Variants in SBF2 observed in about 807,000 individuals in gnomAD.
The protein encoded by SBF2 is SET binding factor 2.
In SBF2, 112 loss-of-function variants were observed where a neutral mutation model predicts 225.2. The observed-to-expected ratio is 0.50, with a 90% confidence interval of 0.43 to 0.58. SBF2 has a LOEUF of 0.58. Ranked by LOEUF, SBF2 falls within the 20% of genes least tolerant of loss-of-function variation. The pLI is 0.00. For missense variants in SBF2, 1,996 were observed against 2,206.2 expected (o/e 0.90, Z 1.91); for synonymous variants, 763 against 773.3 (o/e 0.99, Z 0.22).
intron 32 of SBF2, among the ~76,000 whole-genome samples, chr11:9,799,515 T>G (rs1248977128): frequency 6.6e-6 from 1 of 152,224 alleles, no homozygotes; most frequent in Non-Finnish European, 1.5e-5. Context: ...GAGCAATTTG[T>G]TTTTTACTCT....
chr11:10,198,850 C>A (rs1394104904), intron 1 of SBF2, among the ~76,000 whole-genome samples: 1 of 152,220 alleles, frequency 6.6e-6, no homozygotes, highest in Admixed American at 6.5e-5. Flanking sequence ...ACTTCTTTTG[C>A]AACTTTCTCA....
chr11:9,890,989 A>C (rs1192184431), intron 17 of SBF2, among the ~76,000 whole-genome samples: 1 of 152,176 alleles, frequency 6.6e-6, no homozygotes, highest in African/African-American at 2.4e-5. Flanking sequence ...TGCAAAAATT[A>C]GCCGGGCGTG....
At chr11:10,091,203 T>C (rs1466456819) in intron 2 of SBF2, among the ~76,000 whole-genome samples, 1 of 152,128 alleles carries the variant, frequency 6.6e-6, no homozygotes, top group Non-Finnish European at 1.5e-5. Flanking sequence ...AAGCAACATA[T>C]ACAAGGTTCA....
intron 16 of SBF2, among the ~76,000 whole-genome samples, chr11:9,940,933 A>G (rs920476669): frequency 6.6e-6 from 1 of 152,186 alleles, no homozygotes; most frequent in East Asian, 1.9e-4. Flanking sequence ...AAAAGCCACT[A>G]ATCAGTAGAC....
intron 1 of SBF2, among the ~76,000 whole-genome samples, chr11:10,225,420 A>G (rs7947210): frequency 0.11 from 17,074 of 151,752 alleles, 1,105 homozygotes; most frequent in Non-Finnish European, 0.11. Context: ...AAAAAAAAAA[A>G]CCCGTCGTCT....
At chr11:9,961,674 G>T in intron 16 of SBF2, 2 of 319,166 alleles carry the variant, frequency 6.3e-6, no homozygotes, top group Non-Finnish European at 1.2e-5. Context: ...ATATATAACT[G>T]AATGCTTTAA....
At chr11:10,057,291 C>A (rs747512400) in intron 2 of SBF2, among the ~76,000 whole-genome samples, 1 of 152,168 alleles carries the variant, frequency 6.6e-6, no homozygotes, top group African/African-American at 2.4e-5. Flanking sequence ...AAGCCAGTAC[C>A]AACTCAGCAA....
At position 10,147,597 on chromosome 11, in the gene SBF2, G is replaced by A. The variant is rs138847358; in HGVS notation, c.141+46305C>T. 9.9e-5 allele frequency among the ~76,000 whole-genome samples: 15 copies of A among 152,110 alleles called. 1 individual carries two copies. Among genetic ancestry groups the A allele is most frequent in the African/African-American group, 3.1e-4 (13 of 41,498 alleles). On this transcript the variant is annotated intron_variant, in intron 2 of 39. Transcript: ENST00000256190. The stretch of plus-strand genomic sequence containing the variant: ...GAGGAGGGAAGAAGGGAGAGAATCA[G>A]GAAAAATAACTGCTAGGTACTAGGT...
At chr11:10,218,104 T>C (rs1958196462) in intron 1 of SBF2, among the ~76,000 whole-genome samples, 1 of 152,132 alleles carries the variant, frequency 6.6e-6, no homozygotes, top group Non-Finnish European at 1.5e-5. Flanking sequence ...TTCACCATAT[T>C]GGCCAGGCTA....
At chr11:9,955,808 C>T (rs1335914927) in intron 16 of SBF2, among the ~76,000 whole-genome samples, 1 of 152,030 alleles carries the variant, frequency 6.6e-6, no homozygotes, top group Non-Finnish European at 1.5e-5. Flanking sequence ...ATGTTTACTG[C>T]CCCTCCTCTG....
chr11:10,213,783 A>G (rs955637501), intron 1 of SBF2, among the ~76,000 whole-genome samples: 2 of 152,340 alleles, frequency 1.3e-5, no homozygotes, highest in Non-Finnish European at 2.9e-5. Context: ...TACAAACCAC[A>G]GGTTAAGAAT....
chr11:9,882,651 A>G (rs1410520435), intron 17 of SBF2, among the ~76,000 whole-genome samples: 1 of 152,038 alleles, frequency 6.6e-6, no homozygotes, highest in Non-Finnish European at 1.5e-5. Flanking sequence ...TACTAAAAAT[A>G]CTAAAATTAG....
intron 1 of SBF2, among the ~76,000 whole-genome samples, chr11:10,266,855 G>A (rs555051816): frequency 1.3e-5 from 2 of 152,328 alleles, no homozygotes; most frequent in Non-Finnish European, 2.9e-5. Flanking sequence ...TTGGGAAGCC[G>A]AGGCTGGCAG....
At chr11:9,931,020 T>C (rs529620114) in intron 16 of SBF2, among the ~76,000 whole-genome samples, 20 of 152,352 alleles carry the variant, frequency 1.3e-4, no homozygotes, top group South Asian at 6.2e-4. Context: ...CAGTCTGAGA[T>C]TGAACTTTGA....
In SBF2 at chr11:9,829,510, A is replaced by G; in HGVS notation, c.3653-14T>C. The G allele has an allele frequency of 6.3e-7, 1 of 1,580,562 alleles. No homozygotes were observed. The highest frequency in any genetic ancestry group is 8.7e-7 in the Non-Finnish European group (1 of 1,149,694). On this transcript the variant is annotated splice_polypyrimidine_tract_variant and intron_variant, in intron 27 of 39. Transcript: ENST00000256190. ...AGGAGGTAGGAGCTATAAAAGGAAA[A>G]TATATTGAATAAAATAAACTGTCTC...
intron 3 of SBF2, among the ~76,000 whole-genome samples, chr11:10,033,338 C>A (rs1393887559): frequency 6.6e-6 from 1 of 151,996 alleles, no homozygotes; most frequent in African/African-American, 2.4e-5. Context: ...AATATATGAC[C>A]ATTTACTAAC....
At chr11:9,792,036 A>C (rs1590093786) in intron 33 of SBF2, among the ~76,000 whole-genome samples, 1 of 152,234 alleles carries the variant, frequency 6.6e-6, no homozygotes, top group African/African-American at 2.4e-5. Flanking sequence ...GCCAAATCCT[A>C]TCAAATTATA....
intron 2 of SBF2, among the ~76,000 whole-genome samples, chr11:10,130,007 T>C (rs920531165): frequency 3.3e-5 from 5 of 149,564 alleles, no homozygotes; most frequent in East Asian, 4.0e-4. Flanking sequence ...GAGACCCCAA[T>C]CTCAAAATAT....
At chr11:9,903,246 C>T (rs1032016122) in intron 16 of SBF2, among the ~76,000 whole-genome samples, 12 of 151,810 alleles carry the variant, frequency 7.9e-5, no homozygotes, top group African/African-American at 2.2e-4. Context: ...GGCGTGAACC[C>T]GGGAGGCAGA....
Sources: gnomAD v4.1 joint callset for allele counts (sites outside exome capture counted in the v4.1 genomes callset) on GRCh38, gnomAD v4.1.1 for gene constraint, MANE v1.5 for transcripts, NCBI Gene and HGNC (gene_info 2026-07-23, HGNC 2026-07-21) for gene names.